FLRT1: variants seen among roughly 807,000 people sequenced by gnomAD.
FLRT1 encodes the protein fibronectin leucine rich transmembrane protein 1.
FLRT1 carries 14 observed loss-of-function variants against 30.9 expected under a neutral mutation model. That is an observed-to-expected ratio of 0.45 (90% CI 0.30 to 0.71). FLRT1 has a LOEUF of 0.71. Ranked by LOEUF, FLRT1 falls within the 30% of genes least tolerant of loss-of-function variation. The probability of loss-of-function intolerance (pLI) is 0.08; values close to 1 mark genes in which losing one functional copy is unlikely to be tolerated. For missense variants in FLRT1, 737 were observed against 949.2 expected, an observed-to-expected ratio of 0.78 and a Z score of 2.94; for synonymous variants, 368 against 430.4, an observed-to-expected ratio of 0.85 and a Z score of 1.80.
intron 1 of FLRT1, among the ~76,000 whole-genome samples, chr11:64,097,512 G>A (rs1479293673): frequency 6.6e-6 from 1 of 152,270 alleles, no homozygotes; most frequent in African/African-American, 2.4e-5. Flanking sequence ...GGTGGGCGCT[G>A]GCAAAGGCCC....
At chr11:64,063,711 G>A (rs78649696) in intron 1 of FLRT1, among the ~76,000 whole-genome samples, 1,707 of 152,290 alleles carry the variant, frequency 0.011, 30 homozygotes, top group African/African-American at 0.037. Flanking sequence ...CTCAGCGGGT[G>A]CTGAAACCTA....
At chr11:64,054,544 T>G (rs199812488) in intron 1 of FLRT1, among the ~76,000 whole-genome samples, 1 of 151,988 alleles carries the variant, frequency 6.6e-6, no homozygotes, top group African/African-American at 2.4e-5. Context: ...CCTGATGGGG[T>G]GCAGAGTGGC....
rs542145923 is a variant in FLRT1 at position 64,068,106 on chromosome 11, T to C, written c.-1038+31947T>C. ...GAGCCGGGCGAAGTTGAAGTAAAAT[T>C]AAGAAAGTTGAATCAAAATGTAAAT... On this transcript the variant is annotated intron_variant, in intron 1 of 2. Coordinates refer to ENST00000682287, the MANE Select transcript of FLRT1 (RefSeq NM_013280.5). Among the ~76,000 whole-genome samples the C allele has an allele frequency of 3.7e-3, 556 of 152,322 alleles. 1 individual carries two copies. The highest frequency in any genetic ancestry group is 6.7e-3 in the Non-Finnish European group (457 of 68,022).
Position 64,117,297 on chromosome 11 carries a change from A to G in FLRT1, c.1030A>G (p.Lys344Glu). 6.2e-7 allele frequency: 1 copy of G among 1,614,166 alleles called. No individual in the cohort carries two copies. Among genetic ancestry groups the G allele is most frequent in the Non-Finnish European group, 8.5e-7 (1 of 1,180,012 alleles). ...CNLMWLRDWV[K>E]ARAAVVNVRG... ...CCTCATGTGGCTGCGGGACTGGGTG[A>G]AGGCACGGGCGGCCGTGGTCAACGT... Residue 344 changes from lysine to glutamate, a missense_variant, in exon 3 of 3, where the codon AAG (lysine) becomes GAG (glutamate). Physicochemically the swap from Lys to Glu is moderately conservative, Grantham distance 56 (BLOSUM62 1). Transcript: ENST00000682287.
chr11:64,117,551 C>T lies in FLRT1; in HGVS notation c.1284C>T (p.Tyr428=). Residue 428 remains tyrosine (Y), a synonymous_variant, in exon 3 of 3, where the codon TAC becomes TAT. Transcript: ENST00000682287. ...GCCTCCCCGACTCCAACATTGACTACCCCATGGCCACGGGTGATGGCGCCA... is the reference window on the plus strand; with the variant it reads ...GCCTCCCCGACTCCAACATTGACTATCCCATGGCCACGGGTGATGGCGCCA... The part of the protein sequence containing the change: ...GLRLPDSNID[Y]PMATGDGAKT... 6.2e-7 allele frequency: 1 copy of T among 1,605,556 alleles called. No individual in the cohort carries two copies. The highest frequency in any genetic ancestry group is 8.5e-7 in the Non-Finnish European group (1 of 1,174,494).
chr11:64,078,917 A>G (rs1390121154), intron 1 of FLRT1, among the ~76,000 whole-genome samples: 5 of 152,186 alleles, frequency 3.3e-5, no homozygotes, highest in Non-Finnish European at 5.9e-5. Context: ...GTTCCAGGAC[A>G]TATCTTTATG....
intron 1 of FLRT1, among the ~76,000 whole-genome samples, chr11:64,065,417 G>A (rs992788294): frequency 6.6e-6 from 1 of 152,128 alleles, no homozygotes; most frequent in South Asian, 2.1e-4. Context: ...CACTACCTCC[G>A]CTCCAAAACA....
chr11:64,113,048 G>A (rs914212965), intron 2 of FLRT1, among the ~76,000 whole-genome samples: 2 of 152,218 alleles, frequency 1.3e-5, no homozygotes, highest in Non-Finnish European at 1.5e-5. Context: ...GCAACCCACA[G>A]AGTGCTGCAA....
rs547352081 is a variant in FLRT1 at position 64,039,486 on chromosome 11, C to T, written c.-1038+3327C>T. ...CAAAGTTCAGGCTCTGGCTGGCCCA[C>T]GAGGCAGCTGCATTCTGTCCTCTGC... On this transcript the variant is annotated intron_variant, in intron 1 of 2. Transcript: ENST00000682287. Among the ~76,000 whole-genome samples the T allele has an allele frequency of 2.2e-4, 34 of 152,272 alleles. No individual in the cohort carries two copies. The East Asian group carries it at 5.8e-3, about 26-fold the overall frequency.
intron 1 of FLRT1, among the ~76,000 whole-genome samples, chr11:64,059,068 A>G (rs750211817): frequency 1.2e-4 from 18 of 152,134 alleles, no homozygotes; most frequent in Non-Finnish European, 2.4e-4. Flanking sequence ...CCCAATTTGC[A>G]CTGGGGGAAA....
intron 1 of FLRT1, among the ~76,000 whole-genome samples, chr11:64,080,099 G>A (rs917350257): frequency 4.6e-5 from 7 of 152,100 alleles, no homozygotes; most frequent in Non-Finnish European, 7.4e-5. Context: ...TGCAACCTCC[G>A]CCTCCCAGGT....
chr11:64,062,335 G>A (rs1207067035), intron 1 of FLRT1, among the ~76,000 whole-genome samples: 1 of 152,170 alleles, frequency 6.6e-6, no homozygotes, highest in East Asian at 1.9e-4. Context: ...CCCAGAGGGA[G>A]TCCTGCGTCT....
rs1209847008 is a variant in FLRT1, at chr11:64,117,638, C to T, written c.1371C>T (p.Ala457=). The T allele has an allele frequency of 6.2e-7, 1 of 1,613,776 alleles. No homozygotes were observed. The highest frequency in any genetic ancestry group is 1.1e-5 in the South Asian group (1 of 91,080). Residue 457 remains alanine, a synonymous_variant, in exon 3 of 3, where the codon GCC becomes GCT. Coordinates refer to ENST00000682287, the MANE Select transcript of FLRT1 (RefSeq NM_013280.5). ...ACTCCATCCGCATCACGTGGAAGGC[C>T]ACGCTCCCCGCCTCCTCTTTCCGGC... is the stretch of plus-strand genomic sequence containing the variant. The part of the protein sequence containing the change: ...TADSIRITWK[A]TLPASSFRLS...
rs767062332 is a variant in FLRT1, at chr11:64,118,151, C to G, written c.1884C>G (p.Arg628=). Residue 628 remains arginine, a synonymous_variant, in exon 3 of 3, where the codon CGC becomes CGG. Coordinates refer to ENST00000682287, the MANE Select transcript of FLRT1 (RefSeq NM_013280.5). ...GLQMLPINPY[R]AKEEYVVHTI... is the part of the protein sequence containing the mutation. ...AGATGCTGCCCATCAACCCGTACCG[C>G]GCCAAAGAAGAGTACGTGGTCCACA... 1 of 1,613,850 alleles carries G rather than the reference C, an allele frequency of 6.2e-7. No homozygotes were observed. The highest frequency in any genetic ancestry group is 2.2e-5 in the East Asian group (1 of 44,884).
chr11:64,092,841 C>T (rs780359192), intron 1 of FLRT1, among the ~76,000 whole-genome samples: 14 of 152,248 alleles, frequency 9.2e-5, no homozygotes, highest in Non-Finnish European at 1.9e-4. Flanking sequence ...GGGAGGTTAA[C>T]ACGTGTCACC....
chr11:64,088,186 G>C (rs559862853), intron 1 of FLRT1, among the ~76,000 whole-genome samples: 1 of 152,328 alleles, frequency 6.6e-6, no homozygotes, highest in South Asian at 2.1e-4. Flanking sequence ...AAAGCAGCCA[G>C]ACTCCTCCAG....
chr11:64,105,674 G>T (rs1416437288), intron 2 of FLRT1, among the ~76,000 whole-genome samples: 2 of 152,220 alleles, frequency 1.3e-5, no homozygotes, highest in African/African-American at 4.8e-5. Context: ...AGGGGCTGCA[G>T]ACATGCTGGT....
intron 2 of FLRT1, among the ~76,000 whole-genome samples, chr11:64,114,754 C>G (rs530305884): frequency 1.3e-5 from 2 of 151,468 alleles, no homozygotes; most frequent in Non-Finnish European, 2.9e-5. Context: ...CAGGTCCATG[C>G]ATGAATTGAT....
chr11:64,099,570 GA>G (rs1263939580), intron 1 of FLRT1, among the ~76,000 whole-genome samples: 1 of 151,090 alleles, frequency 6.6e-6, no homozygotes, highest in Non-Finnish European at 1.5e-5. Flanking sequence ...GGATAGAGGT[GA>G]ATAGATGGAC....
Sources: allele counts gnomAD v4.1 joint callset (sites outside exome capture counted in the v4.1 genomes callset), GRCh38; gene constraint gnomAD v4.1.1; transcripts MANE v1.5; gene names NCBI Gene and HGNC (gene_info 2026-07-23, HGNC 2026-07-21).